The following DMD variants were observed in gnomAD, a reference collection of about 807,000 sequenced individuals.
The protein encoded by DMD is mutant dystrophin.
In DMD, 63 loss-of-function variants were observed where a neutral mutation model predicts 330.1. The ratio of observed to expected loss-of-function variants is 0.19; its 90% CI spans 0.16 to 0.24. The LOEUF is 0.24. DMD is among the 10% of genes least tolerant of loss of function. The pLI is 1.00. For synonymous variants in DMD, 1,223 were observed against 959.8 expected, an observed-to-expected ratio of 1.27 and a Z score of -5.07; for missense variants, 3,344 against 2,684.1, an observed-to-expected ratio of 1.25 and a Z score of -5.43.
chrX:32,232,896 T>A (rs962587332), intron 43 of DMD, among the ~76,000 whole-genome samples: 4 of 112,079 alleles, frequency 3.6e-5, no homozygotes, highest in African/African-American at 6.5e-5. Flanking sequence ...AGCAACATTT[T>A]AAAAAATAAA....
At chrX:32,167,250 T>A (rs1204469359) in intron 44 of DMD, among the ~76,000 whole-genome samples, 1 of 112,627 alleles carries the variant, frequency 8.9e-6, no homozygotes, top group Non-Finnish European at 1.9e-5. Context: ...TGGTTTTAAC[T>A]CTGCACGTTG....
At chrX:32,033,607 A>AAGAAAGAG (rs1569534639) in intron 44 of DMD, among the ~76,000 whole-genome samples, 4 of 51,216 alleles carry the variant, frequency 7.8e-5, no homozygotes, top group Non-Finnish European at 1.4e-4. Context: ...GACAGACAGA[A>AAGAAAGAG]AGAAAGAAAG....
intron 42 of DMD, among the ~76,000 whole-genome samples, chrX:32,295,228 G>A (rs10521990): frequency 1.8e-5 from 2 of 111,653 alleles, no homozygotes; most frequent in African/African-American, 3.3e-5. Context: ...ATCTGTACAC[G>A]AATTTATACA....
chrX:31,884,913 A>G (rs911255823), intron 47 of DMD, among the ~76,000 whole-genome samples: 1 of 111,612 alleles, frequency 9.0e-6, no homozygotes, highest in Non-Finnish European at 1.9e-5. Flanking sequence ...GTAATTTTTA[A>G]TATTTTTGTC....
At chrX:32,444,368 A>G (rs779184319) in intron 27 of DMD, among the ~76,000 whole-genome samples, 5 of 110,608 alleles carry the variant, frequency 4.5e-5, no homozygotes, top group South Asian at 7.5e-4. Context: ...CAGAGAAAAA[A>G]AAAGACAAAA....
chrX:32,689,214 T>C (rs749103518), intron 9 of DMD, among the ~76,000 whole-genome samples: 2 of 111,101 alleles, frequency 1.8e-5, no homozygotes, highest in East Asian at 5.6e-4. Context: ...AAATCATTTT[T>C]TTAAAAACCT....
chrX:33,089,880 C>T (rs1443783037), intron 1 of DMD, among the ~76,000 whole-genome samples: 1 of 111,268 alleles, frequency 9.0e-6, no homozygotes. Flanking sequence ...TTTAAATTTG[C>T]AGTAACTCTG....
rs1345914787 is a variant in DMD, at chrX:32,428,110, A to G, written c.4071+10131T>C. On this transcript the variant is annotated intron_variant, in intron 29 of 78. Coordinates refer to ENST00000357033, the MANE Select transcript of DMD (RefSeq NM_004006.3). Reference sequence around the variant, plus strand: ...TTCTCTTTCCATTTACTTTCTCTGCATTTATTATACTTTTCCCTATTTTCT... The same window carrying G: ...TTCTCTTTCCATTTACTTTCTCTGCGTTTATTATACTTTTCCCTATTTTCT... Among the ~76,000 whole-genome samples the G allele has an allele frequency of 2.7e-5, 3 of 110,318 alleles. No homozygotes were observed. The Admixed American group carries it at 2.9e-4, about 11-fold the overall frequency.
At chrX:31,723,623 A>AACACAC (rs55718177) in intron 52 of DMD, among the ~76,000 whole-genome samples, 6,167 of 77,552 alleles carry the variant, frequency 0.08, 309 homozygotes, top group East Asian at 0.12. Flanking sequence ...TATCCTCCAC[A>AACACAC]ACACACACAC....
chrX:32,684,017 A>C (rs1317392213), intron 9 of DMD, among the ~76,000 whole-genome samples: 1 of 77,943 alleles, frequency 1.3e-5, no homozygotes. Flanking sequence ...ACACACATAC[A>C]TACACACACA....
chrX:32,516,862 A>G (rs542883715), intron 18 of DMD: 1 of 111,981 alleles, frequency 8.9e-6, no homozygotes, highest in Non-Finnish European at 1.9e-5. Context: ...TCTTGAAACA[A>G]TTTAGAATAG....
chrX:32,614,926 C>A, intron 11 of DMD, among the ~76,000 whole-genome samples: 1 of 110,435 alleles, frequency 9.1e-6, no homozygotes, highest in African/African-American at 3.3e-5. Context: ...ACACCAATTC[C>A]AAGTGTAGGC....
At chrX:32,513,551 G>A (rs922672093) in intron 18 of DMD, among the ~76,000 whole-genome samples, 6 of 111,861 alleles carry the variant, frequency 5.4e-5, no homozygotes, top group African/African-American at 9.8e-5. Flanking sequence ...ACTTGTGAAT[G>A]GTAGAAGAAA....
At chrX:32,841,011 A>C (rs1363289555) in intron 4 of DMD, among the ~76,000 whole-genome samples, 1 of 112,049 alleles carries the variant, frequency 8.9e-6, no homozygotes, top group Non-Finnish European at 1.9e-5. Flanking sequence ...TATTTCCAGA[A>C]GTTAATTGTG....
chrX:32,139,174 A>G (rs1379367445), intron 44 of DMD, among the ~76,000 whole-genome samples: 1 of 112,503 alleles, frequency 8.9e-6, no homozygotes, highest in Non-Finnish European at 1.9e-5. Context: ...TAGAAGACTC[A>G]TATCCTGTTT....
At position 31,143,526 on chromosome X, in the gene DMD, A is replaced by G. The variant is rs186704722; in HGVS notation, c.10921+2765T>C. On this transcript the variant is annotated intron_variant, in intron 76 of 78. Transcript: ENST00000357033. ...AACAGATTAATACACAGTTCAAGAA[A>G]AAGTACCCTTGAATTCAGTCTTTTC... 1.4e-4 allele frequency among the ~76,000 whole-genome samples: 16 copies of G among 112,026 alleles called. No individual in the cohort carries two copies. In the East Asian group the frequency reaches 4.5e-3, roughly 31 times the overall value.
chrX:32,356,662 T>C (rs186926139), intron 37 of DMD, among the ~76,000 whole-genome samples: 63 of 111,195 alleles, frequency 5.7e-4, no homozygotes, highest in African/African-American at 1.9e-3. Context: ...AATTTCAGAA[T>C]AAATAATTTA....
At chrX:32,256,036 T>C (rs2148230270) in intron 43 of DMD, among the ~76,000 whole-genome samples, 1 of 111,287 alleles carries the variant, frequency 9.0e-6, no homozygotes, top group South Asian at 3.8e-4. Flanking sequence ...ATGTTAAAGA[T>C]CAGGGTAATT....
chrX:32,535,411 T>C (rs977165819), intron 17 of DMD, among the ~76,000 whole-genome samples: 1 of 111,897 alleles, frequency 8.9e-6, no homozygotes, highest in East Asian at 2.8e-4. Context: ...AGCCAAGGTC[T>C]TTTTTCTTCT....
Sources: gnomAD v4.1 joint callset for allele counts (sites outside exome capture counted in the v4.1 genomes callset) on GRCh38, gnomAD v4.1.1 for gene constraint, MANE v1.5 for transcripts, NCBI Gene and HGNC (gene_info 2026-07-23, HGNC 2026-07-21) for gene names.